NOL10: variants seen among roughly 807,000 people sequenced by gnomAD.
NOL10 encodes the protein nucleolar protein 10, also known as H_NH0074G24.1.
Under a neutral mutation model 103.5 loss-of-function variants are expected in NOL10, and 58 were observed. That is an observed-to-expected ratio of 0.56 (90% CI 0.45 to 0.70). The LOEUF (loss-of-function observed/expected upper bound fraction) is 0.70. Ranked by LOEUF, NOL10 falls within the 30% of genes least tolerant of loss-of-function variation. The pLI is 0.00. For missense variants in NOL10, 763 were observed against 807.3 expected (o/e 0.95, Z 0.67); for synonymous variants, 287 against 282.5 (o/e 1.02, Z -0.16).
intron 15 of NOL10, 66 bp from the exon 16 acceptor site, chr2:10,602,940 A>G: frequency 7.8e-7 from 1 of 1,288,936 alleles, no homozygotes; most frequent in Non-Finnish European, 1.1e-6. Context: ...TTTCATATAC[A>G]CCACGACAGT....
chr2:10,630,143 T>C (rs1333816673), intron 13 of NOL10, among the ~76,000 whole-genome samples: 1 of 152,222 alleles, frequency 6.6e-6, no homozygotes, highest in Non-Finnish European at 1.5e-5. Context: ...CCGTGAATTC[T>C]GTTCATTACA....
At chr2:10,587,156 T>TAC (rs1171572022) in intron 19 of NOL10, among the ~76,000 whole-genome samples, 2 of 32,344 alleles carry the variant, frequency 6.2e-5, no homozygotes, top group African/African-American at 3.2e-4. Flanking sequence ...TATACATATA[T>TAC]ACACATATAT....
chr2:10,628,966 C>T (rs1677660108), intron 13 of NOL10, among the ~76,000 whole-genome samples: 1 of 152,092 alleles, frequency 6.6e-6, no homozygotes, highest in South Asian at 2.1e-4. Flanking sequence ...AACACGTTTT[C>T]TCGGTTGAGA....
At chr2:10,689,738 C>T (rs1682495041) in intron 1 of NOL10, 58 bp downstream of exon 1, 1 of 1,512,324 alleles carries the variant, frequency 6.6e-7, no homozygotes, top group Non-Finnish European at 9.0e-7. Flanking sequence ...GGGCGGCTGC[C>T]CCACGAGGAG....
intron 3 of NOL10, 116 bp downstream of exon 3, chr2:10,681,853 TTC>T: frequency 2.4e-6 from 1 of 418,972 alleles, no homozygotes; most frequent in Non-Finnish European, 4.2e-6. Context: ...TTTTCAATAT[TTC>T]TGTGTGTTTG....
rs186602327 is a variant in NOL10, at chr2:10,648,637, C to T, written c.974-4265G>A. On this transcript the variant is annotated intron_variant, in intron 12 of 20. Transcript: ENST00000381685. ...ACCTTACCCCTCTCCAATACTGCAA[C>T]GACCTGGAGACCTCAGCAGCCTGCA... 2.1e-3 allele frequency among the ~76,000 whole-genome samples: 315 copies of T among 152,242 alleles called. 4 individuals are homozygous for T. The highest frequency in any genetic ancestry group is 2.7e-3 in the Non-Finnish European group (183 of 68,014).
intron 16 of NOL10, among the ~76,000 whole-genome samples, chr2:10,601,976 G>A (rs770103393): frequency 1.7e-4 from 26 of 152,340 alleles, no homozygotes; most frequent in African/African-American, 4.8e-4. Context: ...CAACAGGGGC[G>A]GCTGCAGACA....
At chr2:10,687,697 G>A (rs944704082) in intron 1 of NOL10, among the ~76,000 whole-genome samples, 1 of 152,160 alleles carries the variant, frequency 6.6e-6, no homozygotes. Flanking sequence ...AGTGGCTCAT[G>A]CCTGTAATCC....
intron 17 of NOL10, among the ~76,000 whole-genome samples, chr2:10,599,375 C>T (rs1291044254): frequency 1.3e-5 from 2 of 152,202 alleles, no homozygotes; most frequent in Non-Finnish European, 2.9e-5. Context: ...AAAGTTACCT[C>T]CCTAATCATG....
At chr2:10,646,675 G>C (rs1453911505) in intron 12 of NOL10, among the ~76,000 whole-genome samples, 1 of 152,228 alleles carries the variant, frequency 6.6e-6, no homozygotes, top group East Asian at 1.9e-4. Context: ...AGAAGAGCAT[G>C]AGCATCGCGC....
intron 12 of NOL10, among the ~76,000 whole-genome samples, chr2:10,653,461 T>C (rs1679622112): frequency 6.6e-6 from 1 of 152,130 alleles, no homozygotes; most frequent in Non-Finnish European, 1.5e-5. Context: ...GGCACTTTTG[T>C]CCAAAACCAA....
rs1368822993 is a variant in NOL10, at chr2:10,587,058, T to TATATATATAC, written c.1844+1975_1844+1984dup. ...AAAGTTAAATGTATATATATATACA[T>TATATATATAC]ATATATATACATATATATACATATA... On this transcript the variant is annotated intron_variant, in intron 19 of 20. Coordinates refer to ENST00000381685, the MANE Select transcript of NOL10 (RefSeq NM_024894.4). Among the ~76,000 whole-genome samples, 19 of 41,310 alleles carry TATATATATAC rather than the reference T, an allele frequency of 4.6e-4. 6 individuals carry two copies. The highest frequency in any genetic ancestry group is 4.1e-3 in the East Asian group (9 of 2,186). The allele number at this position is 41,310 out of a possible 152,430, so 27.1% of individuals were successfully genotyped here.
chr2:10,664,510 A>G (rs1466875713), intron 8 of NOL10, among the ~76,000 whole-genome samples: 1 of 152,242 alleles, frequency 6.6e-6, no homozygotes, highest in East Asian at 1.9e-4. Context: ...AATTGTGTCC[A>G]CAAAAAAGCA....
At chr2:10,624,023 C>T (rs1677295592) in intron 13 of NOL10, among the ~76,000 whole-genome samples, 1 of 152,118 alleles carries the variant, frequency 6.6e-6, no homozygotes, top group Non-Finnish European at 1.5e-5. Flanking sequence ...CTGGGATTTC[C>T]CTTTACCTCC....
intron 12 of NOL10, among the ~76,000 whole-genome samples, chr2:10,647,028 C>A (rs986926313): frequency 6.6e-6 from 1 of 152,032 alleles, no homozygotes; most frequent in Non-Finnish European, 1.5e-5. Context: ...CGTGACAGTA[C>A]GTGTAAAGAG....
At chr2:10,689,517 G>A (rs1165199677) in intron 1 of NOL10, among the ~76,000 whole-genome samples, 2 of 152,198 alleles carry the variant, frequency 1.3e-5, no homozygotes, top group Non-Finnish European at 1.5e-5. Context: ...GGCCCAAATG[G>A]TTGCGTTCTC....
At chr2:10,672,287 G>A (rs778582691) in intron 5 of NOL10, among the ~76,000 whole-genome samples, 3 of 152,006 alleles carry the variant, frequency 2.0e-5, no homozygotes, top group East Asian at 1.9e-4. Context: ...AGATTGTGCC[G>A]TTGAACTCCA....
chr2:10,630,064 C>T (rs1677733853), intron 13 of NOL10, among the ~76,000 whole-genome samples: 2 of 152,194 alleles, frequency 1.3e-5, no homozygotes, highest in South Asian at 4.1e-4. Context: ...ACTGGGATTA[C>T]AGACATGAAC....
At chr2:10,688,262 T>C (rs766836598) in intron 1 of NOL10, among the ~76,000 whole-genome samples, 1 of 152,146 alleles carries the variant, frequency 6.6e-6, no homozygotes, top group Non-Finnish European at 1.5e-5. Context: ...AGCTAGACAT[T>C]TGTCGCACAG....
Sources: allele counts gnomAD v4.1 joint callset (sites outside exome capture counted in the v4.1 genomes callset), GRCh38; gene constraint gnomAD v4.1.1; transcripts MANE v1.5; gene names NCBI Gene and HGNC (gene_info 2026-07-23, HGNC 2026-07-21).